MYO18A: variants seen among roughly 807,000 people sequenced by gnomAD.
MYO18A encodes the protein myosin XVIIIA, also known as unconventional myosin-XVIIIa.
In MYO18A, 78 loss-of-function variants were observed where a neutral mutation model predicts 235.8. The ratio of observed to expected loss-of-function variants is 0.33; its 90% confidence interval spans 0.28 to 0.40. MYO18A has a LOEUF of 0.40. Among genes scored for constraint, MYO18A ranks in the 10% least tolerant of loss-of-function variants. MYO18A has a pLI of 1.00. For missense variants in MYO18A, 2,215 were observed against 2,699.3 expected, an observed-to-expected ratio of 0.82 and a Z score of 3.98; for synonymous variants, 977 against 1,077.8, an observed-to-expected ratio of 0.91 and a Z score of 1.83.
chr17:29,083,558 A>ACG (rs2066176512), intron 40 of MYO18A, among the ~76,000 whole-genome samples: 1 of 151,588 alleles, frequency 6.6e-6, no homozygotes, highest in Non-Finnish European at 1.5e-5. Context: ...ACACACACAC[A>ACG]CGAAACCAGC....
intron 3 of MYO18A, 69 bp from the exon 4 acceptor site, chr17:29,122,026 G>C (rs1353584067): frequency 2.6e-6 from 4 of 1,552,690 alleles, no homozygotes. Flanking sequence ...GGAACTTCTC[G>C]GTCCTATCCT....
At chr17:29,090,759 C>T in intron 35 of MYO18A, 51 bp downstream of exon 35, 1 of 1,573,072 alleles carries the variant, frequency 6.4e-7, no homozygotes, top group Non-Finnish European at 8.7e-7. Flanking sequence ...TGAGGAGGAC[C>T]ACAAGGATGG....
intron 38 of MYO18A, 62 bp from the exon 39 acceptor site, chr17:29,086,639 G>T: frequency 6.3e-7 from 1 of 1,576,508 alleles, no homozygotes. Context: ...ATGGCCAGAA[G>T]AAGCCTGCTT....
intron 2 of MYO18A, chr17:29,124,593 T>G (rs991820799): frequency 4.2e-6 from 5 of 1,202,000 alleles, no homozygotes; most frequent in Admixed American, 2.8e-5. Flanking sequence ...TGCAGGCCAG[T>G]GGGGCTAGGT....
intron 2 of MYO18A, among the ~76,000 whole-genome samples, chr17:29,143,516 A>G (rs2067786714): frequency 6.7e-6 from 1 of 150,250 alleles, no homozygotes; most frequent in African/African-American, 2.5e-5. Context: ...TGCTGGGATT[A>G]CAGGCATGAG....
At chr17:29,132,073 C>G (rs2067486719) in intron 2 of MYO18A, among the ~76,000 whole-genome samples, 1 of 152,194 alleles carries the variant, frequency 6.6e-6, no homozygotes, top group Admixed American at 6.5e-5. Context: ...ACAAAACTGC[C>G]AACCACGCAG....
chr17:29,129,129 A>C (rs2067398846), intron 2 of MYO18A: 1 of 1,289,008 alleles, frequency 7.8e-7, no homozygotes, highest in Admixed American at 2.3e-5. Flanking sequence ...CTGAAGGAAA[A>C]AATGATCAGG....
At chr17:29,081,067 G>C (rs1348139638) in intron 41 of MYO18A, 2 of 874,856 alleles carry the variant, frequency 2.3e-6, no homozygotes, top group Admixed American at 1.2e-4. Flanking sequence ...GGGAGAGAGG[G>C]AGGTTGAGAG....
Position 29,095,042 on chromosome 17 carries a change from G to A in MYO18A, c.4403C>T (p.Ser1468Leu), listed in dbSNP as rs201630320. The A allele has an allele frequency of 5.2e-5, 81 of 1,554,416 alleles. No individual in the cohort carries two copies. The African/African-American group carries it at 8.2e-4, about 16-fold the overall frequency. Residue 1468 changes from serine to leucine, a missense_variant, in exon 29 of 42, where the codon TCG (serine) becomes TTG (leucine). Physicochemically the swap from Ser to Leu is moderately radical, Grantham distance 145. Transcript: ENST00000527372. The part of the protein sequence containing the change: ...KKQRRFDSEL[S>L]QAHEEAQREK... ...CCGCTGGGCCTCCTCATGCGCCTGC[G>A]AGAGCTCACTGTCAAACCTGCGAGG...
intron 2 of MYO18A, among the ~76,000 whole-genome samples, chr17:29,151,621 C>A (rs1166244813): frequency 6.6e-6 from 1 of 152,202 alleles, no homozygotes; most frequent in Non-Finnish European, 1.5e-5. Context: ...CACCCCAAGG[C>A]GTCCCAGGCC....
chr17:29,126,082 G>T lies in MYO18A; in HGVS notation c.1000-3829C>A. The T allele has an allele frequency of 5.5e-6, 2 of 362,218 alleles. No homozygotes were observed. The highest frequency in any genetic ancestry group is 7.7e-6 in the Non-Finnish European group (2 of 259,514). 22.4% of individuals were successfully genotyped at this position (362,218 alleles called of 1,614,324 possible). On this transcript the variant is annotated intron_variant, in intron 2 of 41. Coordinates refer to ENST00000527372, the MANE Select transcript of MYO18A (RefSeq NM_078471.4). The surrounding 1 kb of genome is among the most constrained non-coding windows in gnomAD (Gnocchi z 4.1). ...TAGGGAAGGGGAGCAGCGCCAGGGA[G>T]CAAGCCGCGCGGCAATCTGAGTTTT...
chr17:29,101,053 A>T (rs1285187756), intron 21 of MYO18A, among the ~76,000 whole-genome samples: 1 of 152,098 alleles, frequency 6.6e-6, no homozygotes, highest in Non-Finnish European at 1.5e-5. Context: ...GCTGGAGTAA[A>T]GTGGTGTGAT....
chr17:29,086,432 T>A lies in MYO18A; in HGVS notation c.5852+6A>T. On this transcript the variant is annotated splice_donor_region_variant and intron_variant, in intron 39 of 41. Transcript: ENST00000527372. ...AGCTGCAGATGCCCCAGAGGCCACTTCTCACCTGTTGATGAGGTCCTCATT... is the reference window on the plus strand; with the variant it reads ...AGCTGCAGATGCCCCAGAGGCCACTACTCACCTGTTGATGAGGTCCTCATT... The A allele has an allele frequency of 6.3e-7, 1 of 1,593,318 alleles. No individual in the cohort carries two copies. Among genetic ancestry groups the A allele is most frequent in the Non-Finnish European group, 8.6e-7 (1 of 1,169,570 alleles).
In MYO18A at chr17:29,120,918, G is replaced by A; in HGVS notation, c.1585+80C>T. The A allele has an allele frequency of 6.4e-7, 1 of 1,560,404 alleles. No individual in the cohort carries two copies. The highest frequency in any genetic ancestry group is 2.3e-5 in the East Asian group (1 of 43,404). On this transcript the variant is annotated intron_variant, in intron 6 of 41. Transcript: ENST00000527372. The surrounding 1 kb of genome is among the most constrained non-coding windows in gnomAD (Gnocchi z 4.2). Reference sequence around the variant, plus strand: ...GATGGAAAGGCCAGGGAGAAAAAGAGCTGGCACTTAAGAGGGTGCTCTCTC... The same window carrying A: ...GATGGAAAGGCCAGGGAGAAAAAGAACTGGCACTTAAGAGGGTGCTCTCTC...
At chr17:29,144,268 C>A (rs1420260977) in intron 2 of MYO18A, among the ~76,000 whole-genome samples, 1 of 152,242 alleles carries the variant, frequency 6.6e-6, no homozygotes, top group Non-Finnish European at 1.5e-5. Context: ...TCTGGCCCCT[C>A]CTCAGACTTT....
Position 29,074,452 on chromosome 17 carries a change from A to AG in MYO18A, c.*317dup, listed in dbSNP as rs978319019. The AG allele has an allele frequency of 5.2e-6, 3 of 580,076 alleles. No individual in the cohort carries two copies. Among genetic ancestry groups the AG allele is most frequent in the Non-Finnish European group, 9.4e-6 (3 of 319,524 alleles). 35.9% of individuals were successfully genotyped at this position (580,076 alleles called of 1,614,324 possible). On this transcript the variant is annotated 3_prime_UTR_variant, in exon 42 of 42. Coordinates refer to ENST00000527372, the MANE Select transcript of MYO18A (RefSeq NM_078471.4). The surrounding 1 kb of genome is among the most constrained non-coding windows in gnomAD (Gnocchi z 4.4). ...GTCCCTGAGCAGGGAGCTGAGAGGG[A>AG]GGTCAACGTGCTGGCTCCATGCAGT...
At chr17:29,105,171 CAAAAAAAAAA>C (rs58344909) in intron 20 of MYO18A, among the ~76,000 whole-genome samples, 3 of 35,806 alleles carry the variant, frequency 8.4e-5, no homozygotes, top group Non-Finnish European at 1.2e-4. Flanking sequence ...GACTCTGTCT[CAAAAAAAAAA>C]AAAAAAAAAA....
chr17:29,102,931 C>G (rs115845813), intron 21 of MYO18A, among the ~76,000 whole-genome samples: 2 of 152,218 alleles, frequency 1.3e-5, no homozygotes, highest in Non-Finnish European at 2.9e-5. Flanking sequence ...TCCACCCTGG[C>G]CCTGGGGCAC....
rs1382558277 is a variant in MYO18A, at chr17:29,180,393, G to GAGCGCAGCGC, written c.-163_-162insGCGCTGCGCT. On this transcript the variant is annotated 5_prime_UTR_variant, in exon 1 of 42. Coordinates refer to ENST00000527372, the MANE Select transcript of MYO18A (RefSeq NM_078471.4). This position sits in a 1 kb window ranked among gnomAD's most constrained non-coding sequence, Gnocchi z 6.1. ...CCTCGGCCCGGTCAGGGATGGAGCAGAGCGCAGCGCGGCGCAGCTCAGCGC... is the reference window on the plus strand; with the variant it reads ...CCTCGGCCCGGTCAGGGATGGAGCAGAGCGCAGCGCAGCGCAGCGCGGCGCAGCTCAGCGC... The GAGCGCAGCGC allele has an allele frequency of 6.6e-6, 1 of 152,088 alleles. No individual in the cohort carries two copies. The highest frequency in any genetic ancestry group is 1.5e-5 in the Non-Finnish European group (1 of 68,000). 9.4% of individuals were successfully genotyped at this position (152,088 alleles called of 1,614,324 possible).
Sources: gnomAD v4.1 joint callset for allele counts (sites outside exome capture counted in the v4.1 genomes callset) on GRCh38, gnomAD v4.1.1 for gene constraint, Gnocchi (gnomAD v3.1) non-coding constraint, MANE v1.5 for transcripts, NCBI Gene and HGNC (gene_info 2026-07-23, HGNC 2026-07-21) for gene names.